The following ACER3 variants were observed in gnomAD, a reference collection of about 807,000 sequenced individuals.
ACER3 encodes alkCDase 3.
Under a neutral mutation model 48.9 loss-of-function variants are expected in ACER3, and 16 were observed. That is an observed-to-expected ratio of 0.33 (90% CI 0.22 to 0.50). The LOEUF (loss-of-function observed/expected upper bound fraction) is 0.50, where lower values mean the gene tolerates loss of function less well. Among genes scored for constraint, ACER3 ranks in the 20% least tolerant of loss-of-function variants. ACER3 has a pLI of 0.98. For missense variants in ACER3, 227 were observed against 326.0 expected (o/e 0.70, Z 2.34); for synonymous variants, 109 against 107.8 (o/e 1.01, Z -0.07).
chr11:76,977,295 G>T (rs1313042826), intron 4 of ACER3, among the ~76,000 whole-genome samples: 1 of 152,218 alleles, frequency 6.6e-6, no homozygotes, highest in African/African-American at 2.4e-5. Context: ...TCAAGGAGAG[G>T]TTGGAAGAAC....
At chr11:77,006,935 C>T (rs1949163061) in intron 7 of ACER3, among the ~76,000 whole-genome samples, 3 of 151,572 alleles carry the variant, frequency 2.0e-5, no homozygotes, top group East Asian at 1.9e-4. Context: ...CATAGAGATA[C>T]CCCATCTGTA....
chr11:76,933,709 G>C (rs1947081710), intron 2 of ACER3, among the ~76,000 whole-genome samples: 1 of 152,216 alleles, frequency 6.6e-6, no homozygotes, highest in Non-Finnish European at 1.5e-5. Context: ...GCAACCATCT[G>C]ATTTCTCAAT....
rs567113692 is a variant in ACER3 at position 76,965,030 on chromosome 11, C to T, written c.267+5999C>T. ...CTACTCCAAGCTAAAGGAGGAAGTTCGAACCAATGGCAAAGAAGTTAAAAA... is the reference window on the plus strand; with the variant it reads ...CTACTCCAAGCTAAAGGAGGAAGTTTGAACCAATGGCAAAGAAGTTAAAAA... On this transcript the variant is annotated intron_variant, in intron 3 of 10. Transcript: ENST00000532485. 2.0e-4 allele frequency among the ~76,000 whole-genome samples: 30 copies of T among 151,058 alleles called. 1 individual carries two copies. Among genetic ancestry groups the T allele is most frequent in the South Asian group, 1.5e-3 (7 of 4,792 alleles).
chr11:76,895,911 G>A (rs562265700), intron 1 of ACER3, among the ~76,000 whole-genome samples: 2 of 152,230 alleles, frequency 1.3e-5, no homozygotes, highest in South Asian at 2.1e-4. Context: ...GCCAACAAAA[G>A]GATTGAAATT....
chr11:77,020,452 G>C lies in ACER3; in HGVS notation c.*125G>C. On this transcript the variant is annotated 3_prime_UTR_variant, in exon 11 of 11. Coordinates refer to ENST00000532485, the MANE Select transcript of ACER3 (RefSeq NM_018367.7). The stretch of plus-strand genomic sequence containing the variant: ...CATCACAGCAGAGGAGTGACTTTCT[G>C]ACTAATGCTGCCACCCACACAGAGA... The C allele has an allele frequency of 9.5e-7, 1 of 1,054,964 alleles. No individual in the cohort carries two copies. The highest frequency in any genetic ancestry group is 1.5e-5 in the South Asian group (1 of 67,670). 65.4% of individuals were successfully genotyped at this position (1,054,964 alleles called of 1,614,324 possible). A position where few individuals can be genotyped will look rare whatever the true frequency, so the allele number is the denominator to read the frequency against.
intron 1 of ACER3, among the ~76,000 whole-genome samples, chr11:76,875,732 G>GTTGT (rs1945357699): frequency 3.0e-5 from 2 of 67,078 alleles, no homozygotes; most frequent in African/African-American, 1.1e-4. Context: ...AGTTTTTGTT[G>GTTGT]TTTTTTTTTT....
intron 1 of ACER3, among the ~76,000 whole-genome samples, chr11:76,898,686 C>T (rs1208212292): frequency 2.0e-5 from 3 of 150,982 alleles, no homozygotes; most frequent in Non-Finnish European, 3.0e-5. Context: ...GGGCGGATGA[C>T]GAGGTCAGGA....
intron 1 of ACER3, among the ~76,000 whole-genome samples, chr11:76,910,516 T>A (rs758441270): frequency 6.6e-6 from 1 of 152,166 alleles, no homozygotes; most frequent in Admixed American, 6.6e-5. Flanking sequence ...AATTCACTTT[T>A]GCAATATTTC....
intron 1 of ACER3, among the ~76,000 whole-genome samples, chr11:76,899,184 T>C (rs1946017416): frequency 6.6e-6 from 1 of 152,186 alleles, no homozygotes; most frequent in Non-Finnish European, 1.5e-5. Flanking sequence ...ACACTACTAA[T>C]ATAATAGCCC....
At chr11:76,881,358 T>C (rs1472807936) in intron 1 of ACER3, among the ~76,000 whole-genome samples, 1 of 152,114 alleles carries the variant, frequency 6.6e-6, no homozygotes, top group African/African-American at 2.4e-5. Flanking sequence ...TGGTTTGGTT[T>C]GGGTCTATCA....
chr11:76,867,478 AAAAAAAAAAAAAAAAAAAAG>A (rs1340894120), intron 1 of ACER3, among the ~76,000 whole-genome samples: 25 of 120,860 alleles, frequency 2.1e-4, no homozygotes, highest in African/African-American at 6.6e-4. Context: ...CAAAAAAAAA[AAAAAAAAAAAAAAAAAAAAG>A]AAAGAAAAGT....
intron 5 of ACER3, among the ~76,000 whole-genome samples, chr11:76,989,695 T>C (rs952891553): frequency 6.6e-6 from 1 of 152,072 alleles, no homozygotes; most frequent in Non-Finnish European, 1.5e-5. Flanking sequence ...TGAGACCAAA[T>C]AGAAAGGAAG....
intron 2 of ACER3, among the ~76,000 whole-genome samples, chr11:76,929,962 A>G (rs552865536): frequency 6.5e-4 from 98 of 151,834 alleles, no homozygotes; most frequent in Non-Finnish European, 1.1e-3. Context: ...AGGCTTTGGT[A>G]TTAGGATGAG....
intron 7 of ACER3, among the ~76,000 whole-genome samples, chr11:76,999,648 A>C (rs1196340026): frequency 6.6e-6 from 1 of 152,084 alleles, no homozygotes; most frequent in Non-Finnish European, 1.5e-5. Context: ...CCCTGTCCTT[A>C]ACCTCTGGTG....
chr11:76,962,216 A>ATTTTT (rs10646198), intron 3 of ACER3, among the ~76,000 whole-genome samples: 2 of 105,112 alleles, frequency 1.9e-5, no homozygotes, highest in African/African-American at 8.7e-5. Context: ...TGCCCAGCTA[A>ATTTTT]TTTTTTTTTT....
intron 2 of ACER3, among the ~76,000 whole-genome samples, chr11:76,926,945 C>A (rs1946845713): frequency 1.3e-5 from 2 of 152,064 alleles, no homozygotes; most frequent in African/African-American, 2.4e-5. Flanking sequence ...CAGGTCCTAA[C>A]AATTTATAAT....
intron 1 of ACER3, among the ~76,000 whole-genome samples, chr11:76,906,971 A>T (rs1946249590): frequency 6.6e-6 from 1 of 152,228 alleles, no homozygotes; most frequent in Non-Finnish European, 1.5e-5. Context: ...TTGTTACATT[A>T]TTCTTTATTC....
intron 1 of ACER3, among the ~76,000 whole-genome samples, chr11:76,889,278 TG>T (rs1945748869): frequency 6.6e-6 from 1 of 152,094 alleles, no homozygotes; most frequent in African/African-American, 2.4e-5. Flanking sequence ...AGTTGCCTCT[TG>T]GTTTTTTTTT....
At chr11:76,884,666 G>T (rs916330724) in intron 1 of ACER3, among the ~76,000 whole-genome samples, 1 of 152,096 alleles carries the variant, frequency 6.6e-6, no homozygotes, top group Non-Finnish European at 1.5e-5. Context: ...TATTCTGTTA[G>T]TTTTTGCTTT....
Sources: allele counts gnomAD v4.1 joint callset (sites outside exome capture counted in the v4.1 genomes callset), GRCh38; gene constraint gnomAD v4.1.1; transcripts MANE v1.5; gene names NCBI Gene and HGNC (gene_info 2026-07-23, HGNC 2026-07-21).